The following CLASP2 variants were observed in gnomAD, a reference collection of about 807,000 sequenced individuals.
CLASP2 encodes cytoplasmic linker associated protein 2, also known as CLIP-associating protein 2.
A neutral mutation model predicts 194.4 loss-of-function variants in CLASP2; 47 were observed. The observed-to-expected ratio is 0.24, with a 90% CI of 0.19 to 0.31. CLASP2 has a LOEUF of 0.31. Among genes scored for constraint, CLASP2 ranks in the 10% least tolerant of loss-of-function variants. The pLI, the probability that CLASP2 is intolerant of heterozygous loss-of-function variation, is 1.00. For synonymous variants in CLASP2, 619 were observed against 633.5 expected (o/e 0.98, Z 0.34); for missense variants, 1,445 against 1,823.6 (o/e 0.79, Z 3.78).
chr3:33,612,419 T>C (rs1303652716), intron 12 of CLASP2, among the ~76,000 whole-genome samples: 1 of 152,182 alleles, frequency 6.6e-6, no homozygotes, highest in Non-Finnish European at 1.5e-5. Flanking sequence ...TGGCTACTGC[T>C]GGTAAAAAAT....
At chr3:33,700,189 T>G (rs957576593) in intron 1 of CLASP2, among the ~76,000 whole-genome samples, 1 of 152,148 alleles carries the variant, frequency 6.6e-6, no homozygotes, top group Non-Finnish European at 1.5e-5. Context: ...CCCCAGCACT[T>G]TGGAAGGCAG....
At chr3:33,514,552 G>GCTT (rs1226464612) in intron 36 of CLASP2, 1 of 166,448 alleles carries the variant, frequency 6.0e-6, no homozygotes, top group African/African-American at 2.4e-5. Flanking sequence ...TTTGTCTTTT[G>GCTT]CTTCTGTCTT....
chr3:33,609,202 C>T (rs2074579709), intron 13 of CLASP2, among the ~76,000 whole-genome samples: 1 of 151,920 alleles, frequency 6.6e-6, no homozygotes, highest in South Asian at 2.1e-4. Flanking sequence ...ATCGCTTGAA[C>T]CTGGGAAGCG....
chr3:33,693,943 A>C (rs1317591821), intron 2 of CLASP2, among the ~76,000 whole-genome samples: 1 of 152,152 alleles, frequency 6.6e-6, no homozygotes, highest in Admixed American at 6.6e-5. Flanking sequence ...AAAGTAAGTT[A>C]ATGTAATTTA....
chr3:33,658,152 A>T (rs1471197837), intron 7 of CLASP2, among the ~76,000 whole-genome samples: 1 of 152,188 alleles, frequency 6.6e-6, no homozygotes, highest in African/African-American at 2.4e-5. Flanking sequence ...CCAAACACAC[A>T]TTTGGGACCC....
chr3:33,553,344 A>G (rs576900889), intron 29 of CLASP2, among the ~76,000 whole-genome samples: 1 of 152,346 alleles, frequency 6.6e-6, no homozygotes, highest in South Asian at 2.1e-4. Flanking sequence ...AAAAATAGAC[A>G]AATGAGAGTA....
At chr3:33,518,438 T>TCAGCACC (rs1483436920) in intron 34 of CLASP2, among the ~76,000 whole-genome samples, 14 of 152,358 alleles carry the variant, frequency 9.2e-5, no homozygotes, top group African/African-American at 2.9e-4. Flanking sequence ...TTGAGGGATT[T>TCAGCACC]CAGCAGGTAG....
intron 36 of CLASP2, among the ~76,000 whole-genome samples, chr3:33,511,715 A>ACTGCTTTTGATGCT (rs1159585890): frequency 2.2e-5 from 3 of 136,372 alleles, no homozygotes; most frequent in Non-Finnish European, 1.6e-5. Flanking sequence ...CGTAAAAATA[A>ACTGCTTTTGATGCT]AACAAACAAC....
In CLASP2 at chr3:33,498,441, A is replaced by G. The variant is rs548635916; in HGVS notation, c.*190T>C. The G allele has an allele frequency of 8.4e-5, 38 of 455,056 alleles. No individual in the cohort carries two copies. The highest frequency in any genetic ancestry group is 1.4e-4 in the Non-Finnish European group (35 of 255,320). The allele number at this position is 455,056 out of a possible 1,614,324, so 28.2% of individuals were successfully genotyped here. A position where few individuals can be genotyped will look rare whatever the true frequency, so the allele number is the denominator to read the frequency against. ...GCTTCTTCTTGAATTTGGAATAACTATCATAAAAGTTACATGCAGACTGAG... is the reference window on the plus strand; with the variant it reads ...GCTTCTTCTTGAATTTGGAATAACTGTCATAAAAGTTACATGCAGACTGAG... On this transcript the variant is annotated 3_prime_UTR_variant, in exon 39 of 39. Coordinates refer to ENST00000682230, the MANE Select transcript of CLASP2 (RefSeq NM_001365631.1).
At chr3:33,619,232 G>T (rs9817221) in intron 12 of CLASP2, among the ~76,000 whole-genome samples, 9,399 of 152,090 alleles carry the variant, frequency 0.062, 912 homozygotes, top group African/African-American at 0.21. Flanking sequence ...CACCATTGAC[G>T]GAAACTTTGT....
intron 1 of CLASP2, among the ~76,000 whole-genome samples, chr3:33,701,271 C>T (rs1476196840): frequency 2.0e-5 from 3 of 152,144 alleles, no homozygotes; most frequent in Non-Finnish European, 4.4e-5. Flanking sequence ...AATGAAGTTA[C>T]AGTGCAATTA....
At chr3:33,671,576 G>A (rs909438469) in intron 6 of CLASP2, among the ~76,000 whole-genome samples, 1 of 152,156 alleles carries the variant, frequency 6.6e-6, no homozygotes, top group Non-Finnish European at 1.5e-5. Flanking sequence ...ACTAGGGAGT[G>A]CCAGACAGTG....
rs376987456 is a variant in CLASP2, at chr3:33,501,685, T to C, written c.4401A>G (p.Leu1467=). Reference sequence around the variant, plus strand: ...CAGTAAGTTGACTGAGATGTGGTTTTAGTTCATCACCAATTACCGCATGAA... The same window carrying C: ...CAGTAAGTTGACTGAGATGTGGTTTCAGTTCATCACCAATTACCGCATGAA... The part of the protein sequence containing the change: ...VAVHAVIGDE[L]KPHLSQLTGS... Residue 1467 remains leucine (L), a synonymous_variant, in exon 38 of 39, where the codon CTA becomes CTG. Coordinates refer to ENST00000682230, the MANE Select transcript of CLASP2 (RefSeq NM_001365631.1). The C allele has an allele frequency of 1.5e-5, 25 of 1,613,272 alleles. No homozygotes were observed. The African/African-American group carries it at 2.4e-4, about 16-fold the overall frequency.
intron 8 of CLASP2, among the ~76,000 whole-genome samples, chr3:33,635,447 T>C (rs754048664): frequency 1.3e-5 from 2 of 152,028 alleles, no homozygotes; most frequent in African/African-American, 4.8e-5. Flanking sequence ...GGAAGAGCAA[T>C]AGGCCAAACA....
In CLASP2 at chr3:33,610,570, A is replaced by G. The variant is rs190212154; in HGVS notation, c.1388+1431T>C. Among the ~76,000 whole-genome samples the G allele has an allele frequency of 2.9e-3, 431 of 149,586 alleles. 1 individual carries two copies. Among genetic ancestry groups the G allele is most frequent in the African/African-American group, 0.01 (411 of 40,850 alleles). The stretch of plus-strand genomic sequence containing the variant: ...TCACATTCTTATTTTTCCAATTACC[A>G]TTTTCCTCAATGTAAGACGGGTTGG... On this transcript the variant is annotated intron_variant, in intron 13 of 38. Transcript: ENST00000682230.
At chr3:33,533,398 G>C (rs1576009958) in intron 34 of CLASP2, among the ~76,000 whole-genome samples, 1 of 152,156 alleles carries the variant, frequency 6.6e-6, no homozygotes, top group Admixed American at 6.5e-5. Context: ...ATATATTAAA[G>C]AGAAGGTAAC....
intron 2 of CLASP2, among the ~76,000 whole-genome samples, chr3:33,692,872 G>A (rs563920083): frequency 3.1e-4 from 47 of 152,192 alleles, no homozygotes; most frequent in African/African-American, 1.1e-3. Context: ...AGTCTGAAAC[G>A]TAACTCTTAG....
intron 16 of CLASP2, among the ~76,000 whole-genome samples, chr3:33,604,481 GC>G (rs1290285571): frequency 6.6e-6 from 1 of 151,960 alleles, no homozygotes; most frequent in Non-Finnish European, 1.5e-5. Flanking sequence ...ACCAAGCGTG[GC>G]TAATTTTTAA....
Position 33,510,569 on chromosome 3 carries a change from C to G in CLASP2, c.4306G>C (p.Gly1436Arg). 1 of 1,613,776 alleles carries G rather than the reference C, an allele frequency of 6.2e-7. No individual in the cohort carries two copies. The highest frequency in any genetic ancestry group is 8.5e-7 in the Non-Finnish European group (1 of 1,179,788). The change falls in exon 37 of 39, where the codon GGT becomes CGT. Residue 1436 changes from glycine to arginine, a missense_variant. By Grantham distance (125) the Gly-to-Arg change is moderately radical. This residue lies in a region of CLASP2 where 732 missense variants were observed against 987.9 expected (regional missense o/e 0.74). Transcript: ENST00000682230. ...LNLLLPEIMP[G>R]LIQGYDNSES... ...GCTTTGTTGCTTACCTGTATTAGAC[C>G]TGGCATAATCTCTGGCAAAAGCAGG...
Sources: allele counts gnomAD v4.1 joint callset (sites outside exome capture counted in the v4.1 genomes callset), GRCh38; gene constraint gnomAD v4.1.1; regional missense constraint gnomAD v4.1.1; transcripts MANE v1.5; gene names NCBI Gene and HGNC (gene_info 2026-07-23, HGNC 2026-07-21).